The following THRB variants were observed in gnomAD, a reference collection of about 807,000 sequenced individuals.
The protein encoded by THRB is nuclear receptor subfamily 1 group A member 2.
Under a neutral mutation model 47.8 loss-of-function variants are expected in THRB, and 12 were observed. That is an observed-to-expected ratio of 0.25 (90% confidence interval 0.16 to 0.41). The LOEUF is 0.41. Among genes scored for constraint, THRB ranks in the 10% least tolerant of loss-of-function variants. The pLI is 1.00. For missense variants in THRB, 348 were observed against 589.2 expected (o/e 0.59, Z 4.24); for synonymous variants, 218 against 212.2 (o/e 1.03, Z -0.24).
chr3:24,219,095 T>C (rs1280096068), intron 4 of THRB, among the ~76,000 whole-genome samples: 2 of 152,020 alleles, frequency 1.3e-5, no homozygotes, highest in Non-Finnish European at 1.5e-5. Context: ...GGTGAGACCC[T>C]GTCTCTGCAA....
At chr3:24,342,872 C>T (rs746429193) in intron 1 of THRB, among the ~76,000 whole-genome samples, 2 of 152,048 alleles carry the variant, frequency 1.3e-5, no homozygotes, top group Non-Finnish European at 2.9e-5. Flanking sequence ...CAGGAAATAC[C>T]GAGGGAATAG....
intron 3 of THRB, among the ~76,000 whole-genome samples, chr3:24,257,155 T>G (rs1197313631): frequency 1.3e-5 from 2 of 152,228 alleles, no homozygotes; most frequent in African/African-American, 4.8e-5. Flanking sequence ...CTCTAAACAT[T>G]CACGATGTCC....
chr3:24,413,053 G>A (rs1369408174), intron 1 of THRB, among the ~76,000 whole-genome samples: 1 of 151,738 alleles, frequency 6.6e-6, no homozygotes, highest in Non-Finnish European at 1.5e-5. Context: ...TTGTAAGTTG[G>A]TACAACCCTC....
At chr3:24,357,146 G>C (rs1332795725) in intron 1 of THRB, among the ~76,000 whole-genome samples, 1 of 150,416 alleles carries the variant, frequency 6.6e-6, no homozygotes, top group African/African-American at 2.4e-5. Flanking sequence ...ACTCAGTTTT[G>C]TTGGTTTTAT....
At chr3:24,407,377 A>G (rs1344708975) in intron 1 of THRB, among the ~76,000 whole-genome samples, 7 of 151,620 alleles carry the variant, frequency 4.6e-5, no homozygotes, top group African/African-American at 1.7e-4. Flanking sequence ...TATCACCCAT[A>G]TATTTTCATG....
At chr3:24,470,110 T>C (rs545171165) in intron 1 of THRB, among the ~76,000 whole-genome samples, 2 of 152,332 alleles carry the variant, frequency 1.3e-5, no homozygotes, top group Admixed American at 1.3e-4. Context: ...TTTGTTACCC[T>C]TGAGTCATGT....
intron 4 of THRB, among the ~76,000 whole-genome samples, chr3:24,198,209 A>C (rs1217151688): frequency 6.6e-6 from 1 of 152,200 alleles, no homozygotes; most frequent in African/African-American, 2.4e-5. Context: ...TAAATTTGGA[A>C]TATTCGGACA....
At position 24,126,121 on chromosome 3, in the gene THRB, G is replaced by C. The variant is rs1327670915; in HGVS notation, c.1144+1378C>G. ...AAAAAAAGAATTCTAGGCCAGGCGT[G>C]GTGGCTCATGCCTATAATCCCAGCA... On this transcript the variant is annotated intron_variant, in intron 10 of 10. Coordinates refer to ENST00000646209, the MANE Select transcript of THRB (RefSeq NM_001354712.2). Among the ~76,000 whole-genome samples, 8 of 152,162 alleles carry C rather than the reference G, an allele frequency of 5.3e-5. No individual in the cohort carries two copies. In the South Asian group the frequency reaches 1.7e-3, roughly 32 times the overall value.
chr3:24,170,176 C>T (rs1476657155), intron 5 of THRB, among the ~76,000 whole-genome samples: 5 of 152,216 alleles, frequency 3.3e-5, no homozygotes, highest in African/African-American at 1.2e-4. Flanking sequence ...CTTGGCACCA[C>T]CATCCACCTG....
At chr3:24,381,566 T>C (rs1440362990) in intron 1 of THRB, among the ~76,000 whole-genome samples, 1 of 152,154 alleles carries the variant, frequency 6.6e-6, no homozygotes, top group East Asian at 1.9e-4. Context: ...CAAAAGCAAA[T>C]GTTTCAAAAC....
chr3:24,301,749 CA>C (rs950027562), intron 2 of THRB, among the ~76,000 whole-genome samples: 3 of 152,122 alleles, frequency 2.0e-5, no homozygotes, highest in Non-Finnish European at 4.4e-5. Flanking sequence ...TCTTACATGG[CA>C]AAAGGGACTT....
At chr3:24,189,114 A>G (rs1036121894) in intron 5 of THRB, among the ~76,000 whole-genome samples, 3 of 152,034 alleles carry the variant, frequency 2.0e-5, no homozygotes, top group Non-Finnish European at 4.4e-5. Flanking sequence ...AATCATGTGT[A>G]TATGTTCAAA....
At chr3:24,304,863 C>T (rs1431032855) in intron 2 of THRB, among the ~76,000 whole-genome samples, 1 of 151,976 alleles carries the variant, frequency 6.6e-6, no homozygotes, top group Non-Finnish European at 1.5e-5. Flanking sequence ...TAAGAAAGTA[C>T]TAGAACTAGC....
At position 24,122,122 on chromosome 3, in the gene THRB, T is replaced by C. The variant is rs1176053517; in HGVS notation, c.*762A>G. On this transcript the variant is annotated 3_prime_UTR_variant, in exon 11 of 11. Transcript: ENST00000646209. ...AAGAAGCCTTCCTACTGTGAGGTAA[T>C]ACTATGTGAATTTTTGGAAACCATG... 1 of 152,824 alleles carries C rather than the reference T, an allele frequency of 6.5e-6. No homozygotes were observed. Among genetic ancestry groups the C allele is most frequent in the African/African-American group, 2.4e-5 (1 of 41,446 alleles). The allele number at this position is 152,824 out of a possible 1,614,324, so 9.5% of individuals were successfully genotyped here.
chr3:24,171,500 T>A (rs2040429628), intron 5 of THRB, among the ~76,000 whole-genome samples: 1 of 152,156 alleles, frequency 6.6e-6, no homozygotes, highest in African/African-American at 2.4e-5. Flanking sequence ...GCATTCCACA[T>A]GTATTTTATC....
At chr3:24,251,459 G>GA (rs1029989473) in intron 3 of THRB, among the ~76,000 whole-genome samples, 1 of 151,568 alleles carries the variant, frequency 6.6e-6, no homozygotes, top group African/African-American at 2.4e-5. Flanking sequence ...ACCTAGTGGA[G>GA]AAAAAAAGGG....
chr3:24,425,919 T>C (rs79481047), intron 1 of THRB, among the ~76,000 whole-genome samples: 2,036 of 152,084 alleles, frequency 0.013, 42 homozygotes, highest in South Asian at 0.041. Context: ...GTGTAAGAGT[T>C]AAGCACACAG....
chr3:24,183,130 G>C (rs1229286716), intron 5 of THRB, among the ~76,000 whole-genome samples: 1 of 151,782 alleles, frequency 6.6e-6, no homozygotes, highest in African/African-American at 2.4e-5. Flanking sequence ...CTCTACTAGA[G>C]CTGTGCACAT....
intron 3 of THRB, among the ~76,000 whole-genome samples, chr3:24,295,139 C>T (rs1424107303): frequency 6.6e-6 from 1 of 152,126 alleles, no homozygotes; most frequent in African/African-American, 2.4e-5. Context: ...ATAACGGGGG[C>T]TGATATTCTT....
Sources: allele counts gnomAD v4.1 joint callset (sites outside exome capture counted in the v4.1 genomes callset), GRCh38; gene constraint gnomAD v4.1.1; transcripts MANE v1.5; gene names NCBI Gene and HGNC (gene_info 2026-07-23, HGNC 2026-07-21).